NUP153: variants seen among roughly 807,000 people sequenced by gnomAD.
The protein encoded by NUP153 is nucleoporin 153, also known as nuclear pore complex protein Nup153.
Under a neutral mutation model 134.6 loss-of-function variants are expected in NUP153, and 27 were observed. The observed-to-expected ratio is 0.20, with a 90% CI of 0.15 to 0.28. NUP153 has a LOEUF of 0.28. Ranked by LOEUF, NUP153 falls within the 10% of genes least tolerant of loss-of-function variation. The probability of loss-of-function intolerance (pLI) is 1.00; values close to 1 mark genes in which losing one functional copy is unlikely to be tolerated. For synonymous variants in NUP153, 640 were observed against 623.5 expected (o/e 1.03, Z -0.40); for missense variants, 1,821 against 1,731.3 (o/e 1.05, Z -0.92).
chr6:17,653,953 T>C (rs1471124763), intron 11 of NUP153, among the ~76,000 whole-genome samples: 1 of 152,206 alleles, frequency 6.6e-6, no homozygotes, highest in Non-Finnish European at 1.5e-5. Flanking sequence ...TGCTGACGTA[T>C]TTGGGGGTGA....
intron 1 of NUP153, among the ~76,000 whole-genome samples, chr6:17,694,351 G>T (rs1254351893): frequency 6.6e-6 from 1 of 152,134 alleles, no homozygotes; most frequent in South Asian, 2.1e-4. Context: ...AGAGATGAAG[G>T]TTGGGATAAA....
At chr6:17,640,766 GCCA>G (rs1765794825) in intron 14 of NUP153, among the ~76,000 whole-genome samples, 1 of 151,872 alleles carries the variant, frequency 6.6e-6, no homozygotes, top group African/African-American at 2.4e-5. Context: ...ACAGGCGCAT[GCCA>G]CCACATCTAG....
chr6:17,681,621 G>A (rs1210051738), intron 2 of NUP153, among the ~76,000 whole-genome samples: 1 of 151,940 alleles, frequency 6.6e-6, no homozygotes, highest in Non-Finnish European at 1.5e-5. Flanking sequence ...ATACTGTCTG[G>A]GGTTTAGAAA....
Position 17,675,731 on chromosome 6 carries a change from A to G in NUP153, c.374T>C (p.Val125Ala). The change falls in exon 3 of 22, where the codon GTG (valine) becomes GCG (alanine). Residue 125 changes from valine (V) to alanine (A), a missense_variant. Coordinates refer to ENST00000262077, the MANE Select transcript of NUP153 (RefSeq NM_005124.4). This position sits in a 1 kb window ranked among gnomAD's most constrained non-coding sequence, Gnocchi z 4.4. ...TTSTASNYPD[V>A]LTRPSLHRSH... Reference sequence around the variant, plus strand: ...CCGATGAAGAGAAGGCCTTGTTAACACATCTGGATAATTTGAAGCAGTACT... The same window carrying G: ...CCGATGAAGAGAAGGCCTTGTTAACGCATCTGGATAATTTGAAGCAGTACT... 6.2e-7 allele frequency: 1 copy of G among 1,613,862 alleles called. No homozygotes were observed. The highest frequency in any genetic ancestry group is 8.5e-7 in the Non-Finnish European group (1 of 1,179,716).
At chr6:17,632,540 T>G in intron 17 of NUP153, 110 bp downstream of exon 17, 1 of 726,102 alleles carries the variant, frequency 1.4e-6, no homozygotes, top group Non-Finnish European at 2.2e-6. Flanking sequence ...TATATTAATT[T>G]TCAAGAGAGA....
At chr6:17,624,445 C>A (rs1764813230) in intron 20 of NUP153, 116 bp downstream of exon 20, 1 of 981,510 alleles carries the variant, frequency 1.0e-6, no homozygotes, top group Non-Finnish European at 1.5e-6. Context: ...CTCTATTCTG[C>A]CAAGTACAAG....
At chr6:17,700,286 T>C (rs901059599) in intron 1 of NUP153, among the ~76,000 whole-genome samples, 1 of 152,216 alleles carries the variant, frequency 6.6e-6, no homozygotes, top group Admixed American at 6.5e-5. Flanking sequence ...CCTATATACA[T>C]ATGCCAGGTC....
At chr6:17,662,102 G>A in intron 9 of NUP153, 32 bp from the exon 10 acceptor site, 1 of 1,597,192 alleles carries the variant, frequency 6.3e-7, no homozygotes. Context: ...ATTTACGTTT[G>A]CTTATTTGTT....
At chr6:17,678,352 CAAAAAAAAAAA>C (rs11428582) in intron 2 of NUP153, among the ~76,000 whole-genome samples, 2 of 68,238 alleles carry the variant, frequency 2.9e-5, no homozygotes, top group Admixed American at 1.7e-4. Context: ...CCCTCTGTCT[CAAAAAAAAAAA>C]AAAAAAAAAA....
intron 20 of NUP153, among the ~76,000 whole-genome samples, chr6:17,620,385 C>G (rs902211796): frequency 2.6e-5 from 4 of 152,146 alleles, no homozygotes; most frequent in African/African-American, 9.7e-5. Context: ...CAAGAACACG[C>G]ATTGGGAAAA....
chr6:17,645,330 T>G (rs1561870800), intron 14 of NUP153, among the ~76,000 whole-genome samples: 1 of 152,044 alleles, frequency 6.6e-6, no homozygotes, highest in Non-Finnish European at 1.5e-5. Context: ...GGTCTTGCTC[T>G]GTCAGCCAGC....
chr6:17,622,529 G>C (rs184258834), intron 20 of NUP153, among the ~76,000 whole-genome samples: 1 of 152,288 alleles, frequency 6.6e-6, no homozygotes, highest in African/African-American at 2.4e-5. Flanking sequence ...ATAGAACTGA[G>C]AACCTCAACC....
At position 17,656,671 on chromosome 6, in the gene NUP153, T is replaced by A. The variant is rs75522364; in HGVS notation, c.1395+4982A>T. On this transcript the variant is annotated intron_variant, in intron 11 of 21. Transcript: ENST00000262077. ...TGAAGAAAGGAAAGCTTTACTTAGATAACCAACAAGGAAGACAGGAGTCCA... is the reference window on the plus strand; with the variant it reads ...TGAAGAAAGGAAAGCTTTACTTAGAAAACCAACAAGGAAGACAGGAGTCCA... Among the ~76,000 whole-genome samples, 883 of 152,258 alleles carry A rather than the reference T, an allele frequency of 5.8e-3. 23 individuals carry two copies. Among genetic ancestry groups the A allele is most frequent in the Admixed American group, 0.043 (652 of 15,280 alleles).
rs764663223 is a variant in NUP153, at chr6:17,626,111, A to T, written c.3598T>A (p.Ser1200Thr). 3.7e-6 allele frequency: 6 copies of T among 1,613,536 alleles called. No individual in the cohort carries two copies. Among genetic ancestry groups the T allele is most frequent in the Non-Finnish European group, 5.1e-6 (6 of 1,180,028 alleles). ...CCAGCAGAAGTGGCTGGTGTACTTG[A>T]ACTAGAGGAACTGTTGTTCAAGAAA... ...FSFLNNSSSS[S>T]STPATSAGGG... is the part of the protein sequence containing the mutation. Residue 1200 changes from serine to threonine, a missense_variant, in exon 19 of 22, where the codon TCA (serine) becomes ACA (threonine). By Grantham distance (58) the Ser-to-Thr change is moderately conservative (BLOSUM62 1). Transcript: ENST00000262077.
intron 11 of NUP153, chr6:17,652,051 A>AAAAT (rs997291862): frequency 8.7e-5 from 33 of 380,540 alleles, no homozygotes; most frequent in Middle Eastern, 6.7e-4. Context: ...TCTCATCTCA[A>AAAAT]AAATAAATAA....
At chr6:17,694,528 A>G (rs551678959) in intron 1 of NUP153, among the ~76,000 whole-genome samples, 27 of 151,348 alleles carry the variant, frequency 1.8e-4, no homozygotes, top group South Asian at 4.2e-4. Flanking sequence ...CATGATGGTG[A>G]TGCCTGTAAT....
chr6:17,680,805 C>T lies in NUP153; in HGVS notation c.335-5035G>A, dbSNP rs1768530577. ...GGTGAGGATGTAGAGAAAGGAGAAT[C>T]CTTGTACACTGTTGTTGGTGGGAAT... On this transcript the variant is annotated intron_variant, in intron 2 of 21. Coordinates refer to ENST00000262077, the MANE Select transcript of NUP153 (RefSeq NM_005124.4). The surrounding 1 kb of genome is among the most constrained non-coding windows in gnomAD (Gnocchi z 4.5). 6.6e-6 allele frequency among the ~76,000 whole-genome samples: 1 copy of T among 152,152 alleles called. No homozygotes were observed. The highest frequency in any genetic ancestry group is 1.5e-5 in the Non-Finnish European group (1 of 68,038).
chr6:17,675,577 A>G lies in NUP153; in HGVS notation c.528T>C (p.His176=), dbSNP rs145527673. ...TGGTAGTTGAGATGTTATCATCATC[A>G]TGCTGAGAGGTAGAATCTTTAATTT... ...VKEIKDSTSQ[H]DDDNISTTSG... Residue 176 remains histidine (H), a synonymous_variant, in exon 3 of 22, where the codon CAT becomes CAC. Coordinates refer to ENST00000262077, the MANE Select transcript of NUP153 (RefSeq NM_005124.4). The surrounding 1 kb of genome is among the most constrained non-coding windows in gnomAD (Gnocchi z 4.4). The G allele has an allele frequency of 6.2e-7, 1 of 1,614,026 alleles. No homozygotes were observed. The highest frequency in any genetic ancestry group is 1.7e-5 in the Admixed American group (1 of 60,022).
intron 12 of NUP153, 111 bp downstream of exon 12, chr6:17,649,051 TG>T: frequency 1.0e-6 from 1 of 974,454 alleles, no homozygotes; most frequent in Non-Finnish European, 1.5e-6. Flanking sequence ...CTGTTTACTA[TG>T]TTATTAATTT....
Sources: gnomAD v4.1 joint callset for allele counts (sites outside exome capture counted in the v4.1 genomes callset) on GRCh38, gnomAD v4.1.1 for gene constraint, Gnocchi (gnomAD v3.1) non-coding constraint, MANE v1.5 for transcripts, NCBI Gene and HGNC (gene_info 2026-07-23, HGNC 2026-07-21) for gene names.